SETBP1: variants seen among roughly 807,000 people sequenced by gnomAD.
SETBP1 encodes the protein SET-binding protein.
Under a neutral mutation model 101.0 loss-of-function variants are expected in SETBP1, and 9 were observed. The ratio of observed to expected loss-of-function variants is 0.09; its 90% CI spans 0.05 to 0.16. The LOEUF (loss-of-function observed/expected upper bound fraction) is 0.16. SETBP1 is among the 10% of genes least tolerant of loss of function. The probability of loss-of-function intolerance (pLI) is 1.00; values close to 1 mark genes in which losing one functional copy is unlikely to be tolerated. For synonymous variants in SETBP1, 818 were observed against 788.5 expected (o/e 1.04, Z -0.63); for missense variants, 1,858 against 2,033.8 (o/e 0.91, Z 1.66).
chr18:44,816,535 G>A (rs1046425812), intron 2 of SETBP1, among the ~76,000 whole-genome samples: 2 of 152,170 alleles, frequency 1.3e-5, no homozygotes, highest in African/African-American at 4.8e-5. Context: ...TTACTAGAAG[G>A]AAAATTTCCC....
chr18:45,041,552 GA>G lies in SETBP1; in HGVS notation c.4171+2906del, dbSNP rs542061040. On this transcript the variant is annotated intron_variant, in intron 5 of 5. Transcript: ENST00000649279. ...TTGGAAACCCAGACAATTGCAGGGA[GA>G]AAAAAAAAGGACAGAAGAGTTAAAC... 2.3e-4 allele frequency among the ~76,000 whole-genome samples: 34 copies of G among 150,006 alleles called. No individual in the cohort carries two copies. The East Asian group carries it at 6.2e-3, about 27-fold the overall frequency.
chr18:44,898,631 A>T (rs2069964087), intron 3 of SETBP1, among the ~76,000 whole-genome samples: 1 of 152,176 alleles, frequency 6.6e-6, no homozygotes, highest in Non-Finnish European at 1.5e-5. Flanking sequence ...CCCAGTCTTC[A>T]TGAAAGGGCT....
chr18:44,823,573 A>G (rs907166810), intron 2 of SETBP1, among the ~76,000 whole-genome samples: 1 of 152,234 alleles, frequency 6.6e-6, no homozygotes, highest in Admixed American at 6.5e-5. Context: ...AGGGACTCCC[A>G]CATACCGGGA....
At chr18:45,045,546 G>C (rs1032871107) in intron 5 of SETBP1, among the ~76,000 whole-genome samples, 1 of 152,178 alleles carries the variant, frequency 6.6e-6, no homozygotes, top group Admixed American at 6.5e-5. Context: ...AAAGGGACTT[G>C]TCTCCTTCCA....
intron 1 of SETBP1, among the ~76,000 whole-genome samples, chr18:44,688,802 G>A (rs1164246794): frequency 6.6e-6 from 1 of 152,136 alleles, no homozygotes; most frequent in East Asian, 1.9e-4. Context: ...GACTAAAAGG[G>A]ATGATTTGAT....
At chr18:45,050,802 A>G (rs11660537) in intron 5 of SETBP1, among the ~76,000 whole-genome samples, 65,431 of 152,118 alleles carry the variant, frequency 0.43, 14,410 homozygotes, top group Non-Finnish European at 0.48. Flanking sequence ...AGGGATCCAT[A>G]TCAGCCTCTA....
chr18:44,962,373 C>T (rs1001952064), intron 4 of SETBP1, among the ~76,000 whole-genome samples: 3 of 151,966 alleles, frequency 2.0e-5, no homozygotes, highest in Non-Finnish European at 4.4e-5. Flanking sequence ...GCACAGCTAC[C>T]GTGAAGAGGG....
intron 4 of SETBP1, among the ~76,000 whole-genome samples, chr18:45,022,547 A>G (rs770982169): frequency 1.3e-5 from 2 of 152,220 alleles, no homozygotes; most frequent in Non-Finnish European, 2.9e-5. Context: ...TAGCATCTAC[A>G]GGCCAGGCAC....
intron 2 of SETBP1, among the ~76,000 whole-genome samples, chr18:44,761,727 T>C (rs754048654): frequency 2.6e-5 from 4 of 152,258 alleles, no homozygotes; most frequent in Admixed American, 6.5e-5. Context: ...GCCATACACA[T>C]ATTGCTTTTG....
intron 2 of SETBP1, among the ~76,000 whole-genome samples, chr18:44,765,240 A>G (rs1453642790): frequency 1.3e-5 from 2 of 151,708 alleles, no homozygotes; most frequent in Non-Finnish European, 2.9e-5. Flanking sequence ...GAGTAGGTAG[A>G]TGTACCTTTC....
intron 1 of SETBP1, among the ~76,000 whole-genome samples, chr18:44,682,444 A>G (rs1267303150): frequency 6.6e-6 from 1 of 152,170 alleles, no homozygotes. Flanking sequence ...GTAGCACTTT[A>G]AGATGTAGCT....
chr18:44,868,722 GGA>G (rs1568190647), intron 2 of SETBP1, among the ~76,000 whole-genome samples: 1 of 21,444 alleles, frequency 4.7e-5, no homozygotes, highest in East Asian at 9.0e-4. Context: ...GAGGAAGGAA[GGA>G]AGGAAGGAAG....
chr18:44,898,981 A>G (rs2069972080), intron 3 of SETBP1, among the ~76,000 whole-genome samples: 1 of 152,192 alleles, frequency 6.6e-6, no homozygotes, highest in Admixed American at 6.5e-5. Flanking sequence ...GCCCAAATGG[A>G]AATACTCTCT....
intron 5 of SETBP1, among the ~76,000 whole-genome samples, chr18:45,047,587 C>A (rs1437302220): frequency 2.0e-5 from 3 of 152,160 alleles, no homozygotes; most frequent in African/African-American, 7.2e-5. Context: ...TTTTGAAAAA[C>A]TTCTTGGTTC....
intron 3 of SETBP1, among the ~76,000 whole-genome samples, chr18:44,901,698 ACAC>A (rs1307401462): frequency 6.6e-6 from 1 of 152,158 alleles, no homozygotes; most frequent in Non-Finnish European, 1.5e-5. Flanking sequence ...CAGACATTAT[ACAC>A]TTAGGGCATA....
At chr18:44,873,559 A>G (rs1172530663) in intron 3 of SETBP1, among the ~76,000 whole-genome samples, 1 of 152,096 alleles carries the variant, frequency 6.6e-6, no homozygotes, top group African/African-American at 2.4e-5. Flanking sequence ...GTGAGAAAAA[A>G]GTGAGGCAGT....
rs563440196 is a variant in SETBP1, at chr18:44,875,242, C to T, written c.540+5959C>T. The stretch of plus-strand genomic sequence containing the variant: ...ACACTTAGAAAGAGTAAAATTGGGC[C>T]GGGTGCGGTGGCTCTTGACTGTAAT... On this transcript the variant is annotated intron_variant, in intron 3 of 5. Transcript: ENST00000649279. 4.6e-5 allele frequency among the ~76,000 whole-genome samples: 7 copies of T among 152,116 alleles called. No homozygotes were observed. In the South Asian group the frequency reaches 1.0e-3, roughly 23 times the overall value.
chr18:44,923,528 C>T (rs1259936612), intron 3 of SETBP1, among the ~76,000 whole-genome samples: 1 of 152,148 alleles, frequency 6.6e-6, no homozygotes. Flanking sequence ...TTGTCCTATG[C>T]CAGCCATGTT....
intron 2 of SETBP1, among the ~76,000 whole-genome samples, chr18:44,713,309 G>C (rs926920634): frequency 6.6e-6 from 1 of 152,136 alleles, no homozygotes; most frequent in South Asian, 2.1e-4. Flanking sequence ...CTAAGGCATA[G>C]TTATTTGACT....
Sources: allele counts gnomAD v4.1 joint callset (sites outside exome capture counted in the v4.1 genomes callset), GRCh38; gene constraint gnomAD v4.1.1; transcripts MANE v1.5; gene names NCBI Gene and HGNC (gene_info 2026-07-23, HGNC 2026-07-21).